Variants in PACRG observed in about 807,000 individuals in gnomAD.
The protein encoded by PACRG is parkin coregulated gene protein.
Under a neutral mutation model 29.7 loss-of-function variants are expected in PACRG, and 29 were observed. That is an observed-to-expected ratio of 0.98 (90% CI 0.73 to 1.33). The LOEUF (loss-of-function observed/expected upper bound fraction) is 1.33, where lower values mean the gene tolerates loss of function less well. Ranked by LOEUF, PACRG falls within the 40% of genes most tolerant of loss-of-function variation. The probability of loss-of-function intolerance (pLI) is 0.00; values close to 1 mark genes in which losing one functional copy is unlikely to be tolerated. For synonymous variants in PACRG, 116 were observed against 118.7 expected (o/e 0.98, Z 0.15); for missense variants, 279 against 316.2 (o/e 0.88, Z 0.89).
chr6:163,007,042 A>G (rs1282419018), intron 2 of PACRG, among the ~76,000 whole-genome samples: 1 of 151,886 alleles, frequency 6.6e-6, no homozygotes, highest in Non-Finnish European at 1.5e-5. Flanking sequence ...AGTATTTTTT[A>G]TGATTCCCTT....
chr6:163,253,409 T>C (rs1322409374), intron 4 of PACRG, among the ~76,000 whole-genome samples: 1 of 152,082 alleles, frequency 6.6e-6, no homozygotes, highest in Non-Finnish European at 1.5e-5. Context: ...ATCGAATTGG[T>C]TGGAATCCAA....
chr6:163,235,731 A>T (rs1466022611), intron 4 of PACRG, among the ~76,000 whole-genome samples: 2 of 152,274 alleles, frequency 1.3e-5, no homozygotes, highest in East Asian at 3.9e-4. Flanking sequence ...CATCTATATT[A>T]TAGGGATTTG....
At chr6:162,785,163 G>C in intron 1 of PACRG, among the ~76,000 whole-genome samples, 1 of 123,150 alleles carries the variant, frequency 8.1e-6, no homozygotes, top group African/African-American at 3.8e-5. Flanking sequence ...AGAGAATGAG[G>C]GAGGCAGAGA....
At chr6:163,037,612 C>A (rs1237465106) in intron 2 of PACRG, among the ~76,000 whole-genome samples, 1 of 152,358 alleles carries the variant, frequency 6.6e-6, no homozygotes, top group East Asian at 1.9e-4. Context: ...CCTGAAACTT[C>A]TTCGGCCCAT....
chr6:163,060,974 ATATG>A, intron 2 of PACRG: 1 of 152,060 alleles, frequency 6.6e-6, no homozygotes, highest in Non-Finnish European at 1.5e-5. Context: ...GGGAATAAAT[ATATG>A]TATAATTTGT....
At chr6:163,021,608 A>T (rs1486966884) in intron 2 of PACRG, among the ~76,000 whole-genome samples, 1 of 151,934 alleles carries the variant, frequency 6.6e-6, no homozygotes, top group Non-Finnish European at 1.5e-5. Context: ...TCTCACAATT[A>T]GCGTCTTTCC....
At chr6:162,886,508 T>C (rs1214976306) in intron 2 of PACRG, among the ~76,000 whole-genome samples, 1 of 152,226 alleles carries the variant, frequency 6.6e-6, no homozygotes, top group African/African-American at 2.4e-5. Context: ...CAGAGATCTG[T>C]CTGTTCATTA....
chr6:162,852,719 G>A (rs1384001407), intron 2 of PACRG, among the ~76,000 whole-genome samples: 1 of 152,200 alleles, frequency 6.6e-6, no homozygotes, highest in Non-Finnish European at 1.5e-5. Context: ...ATAGAAGGAA[G>A]CACAAGAAAG....
chr6:163,273,801 G>C (rs73025023), intron 4 of PACRG, among the ~76,000 whole-genome samples: 7,593 of 151,898 alleles, frequency 0.05, 190 homozygotes, highest in Middle Eastern at 0.085. Flanking sequence ...TAGTTCTGCT[G>C]TTTGGGTTTT....
chr6:163,152,597 T>C (rs1328253703), intron 4 of PACRG, among the ~76,000 whole-genome samples: 1 of 152,218 alleles, frequency 6.6e-6, no homozygotes, highest in African/African-American at 2.4e-5. Flanking sequence ...CATCCTTAGT[T>C]CAGTTCTGAG....
chr6:162,945,952 T>A (rs1798971393), intron 2 of PACRG, among the ~76,000 whole-genome samples: 1 of 152,062 alleles, frequency 6.6e-6, no homozygotes. Context: ...TTAAAAAATA[T>A]CTTGAAACAA....
chr6:163,006,209 C>CAT (rs3058703), intron 2 of PACRG, among the ~76,000 whole-genome samples: 39 of 137,170 alleles, frequency 2.8e-4, no homozygotes, highest in African/African-American at 5.7e-4. Flanking sequence ...ATATATATCC[C>CAT]ATATATATAT....
At chr6:163,142,686 A>T (rs960747318) in intron 4 of PACRG, among the ~76,000 whole-genome samples, 4 of 152,248 alleles carry the variant, frequency 2.6e-5, no homozygotes, top group African/African-American at 4.8e-5. Context: ...TGTCATATTT[A>T]AAAAATCCTA....
chr6:163,268,762 T>C lies in PACRG; in HGVS notation c.614-46065T>C, dbSNP rs556881297. On this transcript the variant is annotated intron_variant, in intron 4 of 4. Coordinates refer to ENST00000366888, the MANE Select transcript of PACRG (RefSeq NM_001080379.2). ...TTTTTATCCATGCCTCCTTGAAAAG[T>C]AGGAAATTCAATTTGGATTGCTATC... Among the ~76,000 whole-genome samples the C allele has an allele frequency of 2.0e-5, 3 of 152,336 alleles. No homozygotes were observed. The East Asian group carries it at 5.8e-4, about 29-fold the overall frequency.
intron 2 of PACRG, among the ~76,000 whole-genome samples, chr6:162,937,372 G>T (rs1798306621): frequency 6.6e-6 from 1 of 152,158 alleles, no homozygotes; most frequent in African/African-American, 2.4e-5. Context: ...GACAGTGCAG[G>T]TGTAGAGAGA....
chr6:162,867,644 A>G (rs1461857409), intron 2 of PACRG, among the ~76,000 whole-genome samples: 2 of 152,212 alleles, frequency 1.3e-5, no homozygotes, highest in African/African-American at 4.8e-5. Context: ...TCCGCAAGAA[A>G]AATGTATTTC....
At chr6:162,876,946 G>T (rs1793405785) in intron 2 of PACRG, among the ~76,000 whole-genome samples, 1 of 152,196 alleles carries the variant, frequency 6.6e-6, no homozygotes, top group Non-Finnish European at 1.5e-5. Context: ...ACAGAGGCTG[G>T]AGAGGATGTG....
At chr6:162,739,841 TAAAA>T (rs34535656) in intron 1 of PACRG, among the ~76,000 whole-genome samples, 22 of 130,122 alleles carry the variant, frequency 1.7e-4, no homozygotes, top group African/African-American at 4.3e-4. Flanking sequence ...GCTCCATCTT[TAAAA>T]AAAAAAAAAA....
At chr6:163,104,082 A>G (rs569682303) in intron 4 of PACRG, among the ~76,000 whole-genome samples, 4 of 152,362 alleles carry the variant, frequency 2.6e-5, no homozygotes, top group Admixed American at 2.0e-4. Flanking sequence ...TTTAACAACT[A>G]TTATATGCTG....
Sources: allele counts gnomAD v4.1 joint callset (sites outside exome capture counted in the v4.1 genomes callset), GRCh38; gene constraint gnomAD v4.1.1; transcripts MANE v1.5; gene names NCBI Gene and HGNC (gene_info 2026-07-23, HGNC 2026-07-21).